PRDX1: variants seen among roughly 807,000 people sequenced by gnomAD.
PRDX1 encodes peroxiredoxin 1.
Under a neutral mutation model 20.7 loss-of-function variants are expected in PRDX1, and 19 were observed. That is an observed-to-expected ratio of 0.92 (90% CI 0.64 to 1.35). PRDX1 has a LOEUF of 1.35. Among genes scored for constraint, PRDX1 ranks in the 40% most tolerant of loss-of-function variants. The probability of loss-of-function intolerance (pLI) is 0.00; values close to 1 mark genes in which losing one functional copy is unlikely to be tolerated. For synonymous variants in PRDX1, 89 were observed against 83.9 expected (o/e 1.06, Z -0.33); for missense variants, 226 against 240.0 (o/e 0.94, Z 0.38).
chr1:45,516,939 T>G (rs557952357), intron 2 of PRDX1, among the ~76,000 whole-genome samples: 2 of 149,896 alleles, frequency 1.3e-5, no homozygotes, highest in East Asian at 2.0e-4. Flanking sequence ...GAGAATCACT[T>G]GAACCGGGGA....
intron 3 of PRDX1, 37 bp from the exon 4 acceptor site, chr1:45,515,032 TCTTGA>T: frequency 3.7e-6 from 6 of 1,610,992 alleles, no homozygotes; most frequent in Non-Finnish European, 5.1e-6. Context: ...ACATTCAAAC[TCTTGA>T]CTTGACTGTA....
At chr1:45,518,807 G>A (rs1643882516) in intron 2 of PRDX1, 131 bp downstream of exon 2, 1 of 811,944 alleles carries the variant, frequency 1.2e-6, no homozygotes, top group East Asian at 2.8e-5. Context: ...CAACATGAAG[G>A]TAACAACCTA....
chr1:45,517,912 G>GAT (rs1397851497), intron 2 of PRDX1, among the ~76,000 whole-genome samples: 1 of 140,516 alleles, frequency 7.1e-6, no homozygotes, highest in African/African-American at 2.6e-5. Context: ...TAACAGCTGT[G>GAT]ATATATACGT....
intron 2 of PRDX1, among the ~76,000 whole-genome samples, chr1:45,518,467 C>CAAAAAA (rs35407028): frequency 8.3e-5 from 4 of 48,046 alleles, no homozygotes; most frequent in Non-Finnish European, 1.1e-4. Flanking sequence ...AACTCCATCT[C>CAAAAAA]AAAAAAAAAA....
chr1:45,518,940 TTGTAGTCA>T lies in PRDX1; in HGVS notation c.96_103del (p.Asp33ArgfsTer12). On this transcript the variant is annotated frameshift_variant, in exon 2 of 6. Coordinates refer to ENST00000319248, the MANE Select transcript of PRDX1 (RefSeq NM_181697.3). LOFTEE classifies it high-confidence loss of function. The stretch of plus-strand genomic sequence containing the variant: ...GAGCCCAGTGTTAATTCTCTCACCT[TTGTAGTCA>T]GACAGGCTGATATCTTTAAACTGAC... The T allele has an allele frequency of 1.9e-6, 3 of 1,591,668 alleles. No homozygotes were observed. The South Asian group carries it at 3.4e-5, about 18-fold the overall frequency.
intron 1 of PRDX1, among the ~76,000 whole-genome samples, chr1:45,519,802 T>C (rs945074890): frequency 6.6e-6 from 1 of 152,156 alleles, no homozygotes; most frequent in Non-Finnish European, 1.5e-5. Flanking sequence ...TTCTCCATGT[T>C]GGTCAGGCTA....
chr1:45,514,793 G>A (rs1643826941), intron 4 of PRDX1, 80 bp downstream of exon 4: 2 of 1,583,972 alleles, frequency 1.3e-6, no homozygotes. Context: ...GAAATGACAA[G>A]GAGTCTCTAC....
At chr1:45,518,792 C>T (rs748791367) in intron 2 of PRDX1, 146 bp downstream of exon 2, 3 of 718,112 alleles carry the variant, frequency 4.2e-6, no homozygotes, top group East Asian at 2.9e-5. Flanking sequence ...TGATAATCAC[C>T]ACTTCAACAT....
intron 5 of PRDX1, chr1:45,512,533 CAAAA>C (rs544265336): frequency 7.1e-6 from 1 of 140,648 alleles, no homozygotes; most frequent in African/African-American, 2.6e-5. Context: ...GACTCTGTCT[CAAAA>C]AAAAAAAGTG....
intron 1 of PRDX1, among the ~76,000 whole-genome samples, chr1:45,519,741 G>A (rs933396100): frequency 3.3e-5 from 5 of 152,094 alleles, no homozygotes; most frequent in African/African-American, 7.2e-5. Context: ...GATTACAGGC[G>A]CAGGCCACCA....
In PRDX1 at chr1:45,514,931, T is replaced by C. The variant is rs1643830407; in HGVS notation, c.325A>G (p.Lys109Glu). 6.2e-7 allele frequency: 1 copy of C among 1,614,132 alleles called. No homozygotes were observed. Among genetic ancestry groups the C allele is most frequent in the African/African-American group, 1.3e-5 (1 of 74,948 alleles). Residue 109 changes from lysine (K) to glutamate (E), a missense_variant, in exon 4 of 6, where the codon AAG becomes GAG. Coordinates refer to ENST00000319248, the MANE Select transcript of PRDX1 (RefSeq NM_181697.3). ...CCATAATCCTGAGCAATGGTGCGCT[T>C]CGGGTCTGATACCAAAGGAATGTTC... ...PMNIPLVSDPKRTIAQDYGVL... is the reference protein window; with the variant it reads ...PMNIPLVSDPERTIAQDYGVL...
chr1:45,517,021 CAAAA>C (rs10700951), intron 2 of PRDX1, among the ~76,000 whole-genome samples: 3 of 89,676 alleles, frequency 3.3e-5, no homozygotes, highest in Non-Finnish European at 7.0e-5. Context: ...AATTCCACCT[CAAAA>C]AAAAAAAAAA....
intron 5 of PRDX1, 53 bp downstream of exon 5, chr1:45,514,453 AC>A: frequency 6.2e-7 from 1 of 1,600,462 alleles, no homozygotes. Flanking sequence ...TGAAGGGGCA[AC>A]CCACCCCTTC....
At chr1:45,515,018 A>G (rs747507472) in intron 3 of PRDX1, 23 bp from the exon 4 acceptor site, 4 of 1,613,092 alleles carry the variant, frequency 2.5e-6, no homozygotes, top group Admixed American at 1.7e-5. Context: ...GCAAACATAC[A>G]GTTACATTCA....
At chr1:45,513,035 G>C (rs889875338) in intron 5 of PRDX1, 1 of 152,172 alleles carries the variant, frequency 6.6e-6, no homozygotes, top group Admixed American at 6.5e-5. Flanking sequence ...GCCTTAGAAA[G>C]CTAGTCTGGG....
intron 3 of PRDX1, among the ~76,000 whole-genome samples, chr1:45,515,293 TTGC>T (rs1386135390): frequency 6.6e-6 from 1 of 152,076 alleles, no homozygotes; most frequent in Admixed American, 6.5e-5. Flanking sequence ...AGCTTCCCAG[TTGC>T]TGTTTTAAAA....
chr1:45,511,930 G>T (rs190946567), intron 5 of PRDX1: 1 of 152,194 alleles, frequency 6.6e-6, no homozygotes, highest in Admixed American at 6.5e-5. Context: ...CTACCCCTTG[G>T]TAAGCAAAAG....
chr1:45,513,004 A>C (rs1209325273), intron 5 of PRDX1: 1 of 152,204 alleles, frequency 6.6e-6, no homozygotes, highest in Non-Finnish European at 1.5e-5. Flanking sequence ...CCTTTAAATT[A>C]CAAGATCAGA....
At chr1:45,515,048 C>G (rs878865172) in intron 3 of PRDX1, 53 bp from the exon 4 acceptor site, 98 of 1,591,324 alleles carry the variant, frequency 6.2e-5, no homozygotes, top group Non-Finnish European at 7.8e-5. Flanking sequence ...CTTGACTGTA[C>G]GCATTCCTCT....
Sources: gnomAD v4.1 joint callset for allele counts (sites outside exome capture counted in the v4.1 genomes callset) on GRCh38, gnomAD v4.1.1 for gene constraint, MANE v1.5 for transcripts, NCBI Gene and HGNC (gene_info 2026-07-23, HGNC 2026-07-21) for gene names.